The following ATP6V0D1 variants were observed in gnomAD, a reference collection of about 807,000 sequenced individuals.
The protein encoded by ATP6V0D1 is V-type proton ATPase subunit d 1.
ATP6V0D1 carries 13 observed loss-of-function variants against 39.0 expected under a neutral mutation model. That is an observed-to-expected ratio of 0.33 (90% confidence interval 0.22 to 0.53). ATP6V0D1 has a LOEUF of 0.53. ATP6V0D1 is among the 20% of genes least tolerant of loss of function. The probability of loss-of-function intolerance (pLI) is 0.94; values close to 1 mark genes in which losing one functional copy is unlikely to be tolerated. For missense variants in ATP6V0D1, 272 were observed against 470.9 expected (o/e 0.58, Z 3.91); for synonymous variants, 191 against 191.2 (o/e 1.00, Z 0.01).
At chr16:67,476,970 T>A (rs1242335085) in intron 1 of ATP6V0D1, among the ~76,000 whole-genome samples, 1 of 148,898 alleles carries the variant, frequency 6.7e-6, no homozygotes, top group Non-Finnish European at 1.5e-5. Flanking sequence ...GAGGCAGAGG[T>A]TGCAGTGAGC....
chr16:67,449,286 A>G (rs1446419549), intron 2 of ATP6V0D1, among the ~76,000 whole-genome samples: 1 of 152,216 alleles, frequency 6.6e-6, no homozygotes, highest in East Asian at 1.9e-4. Flanking sequence ...AAAGGCCTTT[A>G]AAGCCCACCT....
rs1338764402 is a variant in ATP6V0D1 at position 67,453,834 on chromosome 16, C to A, written c.131-119G>T. Reference sequence around the variant, plus strand: ...CCCCTGCAGTTGTGTCCCGCTACTACCCTGATCTCCATCTCCCTGTTGGCT... The same window carrying A: ...CCCCTGCAGTTGTGTCCCGCTACTAACCTGATCTCCATCTCCCTGTTGGCT... On this transcript the variant is annotated intron_variant, in intron 1 of 7. Coordinates refer to ENST00000290949, the MANE Select transcript of ATP6V0D1 (RefSeq NM_004691.5). The surrounding 1 kb of genome is among the most constrained non-coding windows in gnomAD (Gnocchi z 4.1). 5 of 929,214 alleles carry A rather than the reference C, an allele frequency of 5.4e-6. No homozygotes were observed. The highest frequency in any genetic ancestry group is 6.5e-6 in the Non-Finnish European group (4 of 615,442). 57.6% of individuals were successfully genotyped at this position (929,214 alleles called of 1,614,324 possible). A position where few individuals can be genotyped will look rare whatever the true frequency, so the allele number is the denominator to read the frequency against.
At chr16:67,454,741 T>G (rs1204813784) in intron 1 of ATP6V0D1, 1 of 152,134 alleles carries the variant, frequency 6.6e-6, no homozygotes, top group African/African-American at 2.4e-5. Context: ...CCTTAAACTC[T>G]CCGCTACTCC....
intron 1 of ATP6V0D1, among the ~76,000 whole-genome samples, chr16:67,461,797 A>G (rs968533987): frequency 2.0e-5 from 3 of 152,212 alleles, no homozygotes; most frequent in Non-Finnish European, 4.4e-5. Flanking sequence ...CAGCAACATC[A>G]GACACAGGGA....
chr16:67,442,638 G>A (rs1179639584), intron 4 of ATP6V0D1, among the ~76,000 whole-genome samples: 1 of 152,034 alleles, frequency 6.6e-6, no homozygotes, highest in African/African-American at 2.4e-5. Context: ...CTGACTCCAA[G>A]CTTGGGAACC....
At position 67,439,171 on chromosome 16, in the gene ATP6V0D1, G is replaced by A. The variant is rs911171807; in HGVS notation, c.640-24C>T. On this transcript the variant is annotated intron_variant, in intron 5 of 7. Transcript: ENST00000290949. Reference sequence around the variant, plus strand: ...AACTGTGGAGCCAGTGCACAGGTAAGAAGAGAGGGAGGAAGAAGGAGGCAG... The same window carrying A: ...AACTGTGGAGCCAGTGCACAGGTAAAAAGAGAGGGAGGAAGAAGGAGGCAG... 4 of 1,613,736 alleles carry A rather than the reference G, an allele frequency of 2.5e-6. No individual in the cohort carries two copies. In the Admixed American group the frequency reaches 5.0e-5, roughly 20 times the overall value.
chr16:67,458,551 G>A (rs1007296847), intron 1 of ATP6V0D1, among the ~76,000 whole-genome samples: 11 of 152,144 alleles, frequency 7.2e-5, no homozygotes, highest in African/African-American at 2.2e-4. Context: ...GCACAGACTC[G>A]GGGGACCGCT....
chr16:67,473,335 C>T (rs888204448), intron 1 of ATP6V0D1, among the ~76,000 whole-genome samples: 3 of 152,106 alleles, frequency 2.0e-5, no homozygotes, highest in African/African-American at 7.2e-5. Context: ...TGTGCAACCG[C>T]CCCACAATCA....
intron 1 of ATP6V0D1, among the ~76,000 whole-genome samples, chr16:67,459,426 C>A (rs1443115704): frequency 6.6e-6 from 1 of 152,212 alleles, no homozygotes; most frequent in Non-Finnish European, 1.5e-5. Context: ...AGCCCAAGAC[C>A]CACCTGGCAT....
In ATP6V0D1 at chr16:67,438,879, G is replaced by T. The variant is rs749567809; in HGVS notation, c.817-9C>A. 2 of 1,613,656 alleles carry T rather than the reference G, an allele frequency of 1.2e-6. No individual in the cohort carries two copies. Among genetic ancestry groups the T allele is most frequent in the African/African-American group, 1.3e-5 (1 of 74,888 alleles). On this transcript the variant is annotated splice_polypyrimidine_tract_variant and intron_variant, in intron 6 of 7. Coordinates refer to ENST00000290949, the MANE Select transcript of ATP6V0D1 (RefSeq NM_004691.5). ...AAGAGCAGCTTGTACTCCTGGCCAG[G>T]GGGGTGGGGGGAAGCACAAGCATGA...
At chr16:67,461,558 G>A (rs1459711456) in intron 1 of ATP6V0D1, among the ~76,000 whole-genome samples, 1 of 152,224 alleles carries the variant, frequency 6.6e-6, no homozygotes, top group African/African-American at 2.4e-5. Context: ...GTCTTGGGAA[G>A]AACCTGGAGT....
At position 67,444,781 on chromosome 16, in the gene ATP6V0D1, G is replaced by A. The variant is rs1306157363; in HGVS notation, c.303-75C>T. On this transcript the variant is annotated intron_variant, in intron 2 of 7. Transcript: ENST00000290949. This position sits in a 1 kb window ranked among gnomAD's most constrained non-coding sequence, Gnocchi z 4.8. ...AGTCCTGGCATAGCACCATGCCCTCGCCCGCCTGCACAGGCCATCACCCCT... is the reference window on the plus strand; with the variant it reads ...AGTCCTGGCATAGCACCATGCCCTCACCCGCCTGCACAGGCCATCACCCCT... 2.2e-6 allele frequency: 3 copies of A among 1,374,386 alleles called. No homozygotes were observed. Among genetic ancestry groups the A allele is most frequent in the Non-Finnish European group, 2.9e-6 (3 of 1,021,224 alleles). 85.1% of individuals were successfully genotyped at this position (1,374,386 alleles called of 1,614,324 possible).
chr16:67,460,933 T>C (rs904140680), intron 1 of ATP6V0D1, among the ~76,000 whole-genome samples: 4 of 152,172 alleles, frequency 2.6e-5, no homozygotes, highest in African/African-American at 9.7e-5. Flanking sequence ...GTCTACAAAT[T>C]GGCCCTAAAA....
intron 1 of ATP6V0D1, among the ~76,000 whole-genome samples, chr16:67,472,388 C>T (rs559386056): frequency 1.0e-3 from 153 of 152,266 alleles, no homozygotes; most frequent in African/African-American, 3.6e-3. Flanking sequence ...CCTCCCCCAG[C>T]CCCCAGCTCC....
At chr16:67,446,525 A>G (rs2041117498) in intron 2 of ATP6V0D1, among the ~76,000 whole-genome samples, 2 of 152,000 alleles carry the variant, frequency 1.3e-5, no homozygotes, top group Non-Finnish European at 2.9e-5. Flanking sequence ...CCTGCCCCCA[A>G]CCCCACAGTG....
intron 1 of ATP6V0D1, among the ~76,000 whole-genome samples, chr16:67,454,160 T>A (rs1447449288): frequency 6.6e-6 from 1 of 152,086 alleles, no homozygotes; most frequent in Non-Finnish European, 1.5e-5. Context: ...ATACAAGAGA[T>A]GCCTGAAGCT....
At chr16:67,471,396 C>A (rs991108022) in intron 1 of ATP6V0D1, among the ~76,000 whole-genome samples, 4 of 152,010 alleles carry the variant, frequency 2.6e-5, no homozygotes, top group Non-Finnish European at 5.9e-5. Context: ...CACCATGTTG[C>A]CCAGGGTGGT....
Position 67,453,874 on chromosome 16 carries a change from G to A in ATP6V0D1, c.131-159C>T, listed in dbSNP as rs918926350. On this transcript the variant is annotated intron_variant, in intron 1 of 7. Transcript: ENST00000290949. The surrounding 1 kb of genome is among the most constrained non-coding windows in gnomAD (Gnocchi z 4.1). The stretch of plus-strand genomic sequence containing the variant: ...CCCTGTTGGCTCAGGGCCTACCACA[G>A]GGCAATCAGCTAAGGCCCTGGAGAT... Among the ~76,000 whole-genome samples the A allele has an allele frequency of 6.6e-6, 1 of 152,056 alleles. No homozygotes were observed. The highest frequency in any genetic ancestry group is 2.4e-5 in the African/African-American group (1 of 41,382).
At chr16:67,478,613 CAAAAAAAA>C (rs1292018624) in intron 1 of ATP6V0D1, among the ~76,000 whole-genome samples, 7 of 51,538 alleles carry the variant, frequency 1.4e-4, no homozygotes, top group African/African-American at 2.9e-4. Context: ...GACTCTGTCT[CAAAAAAAA>C]AAAAAAAAAA....
Sources: allele counts gnomAD v4.1 joint callset (sites outside exome capture counted in the v4.1 genomes callset), GRCh38; gene constraint gnomAD v4.1.1; non-coding constraint Gnocchi (gnomAD v3.1); transcripts MANE v1.5; gene names NCBI Gene and HGNC (gene_info 2026-07-23, HGNC 2026-07-21).